The following SNX13 variants were observed in gnomAD, a reference collection of about 807,000 sequenced individuals.
SNX13 encodes the protein sorting nexin-13.
In SNX13, 45 loss-of-function variants were observed where a neutral mutation model predicts 133.6. The ratio of observed to expected loss-of-function variants is 0.34; its 90% confidence interval spans 0.27 to 0.43. The LOEUF (loss-of-function observed/expected upper bound fraction) is 0.43, where lower values mean the gene tolerates loss of function less well. SNX13 is among the 20% of genes least tolerant of loss of function. SNX13 has a pLI of 1.00. For missense variants in SNX13, 1,032 were observed against 1,145.1 expected, an observed-to-expected ratio of 0.90 and a Z score of 1.43; for synonymous variants, 414 against 373.9, an observed-to-expected ratio of 1.11 and a Z score of -1.24.
At chr7:17,826,973 A>C (rs1311952498) in intron 16 of SNX13, among the ~76,000 whole-genome samples, 1 of 152,072 alleles carries the variant, frequency 6.6e-6, no homozygotes, top group Non-Finnish European at 1.5e-5. Context: ...AGCATTCTCT[A>C]ATCAATAAGA....
At chr7:17,845,458 C>T (rs1790404354) in intron 12 of SNX13, 137 bp downstream of exon 12, 1 of 566,002 alleles carries the variant, frequency 1.8e-6, no homozygotes, top group Non-Finnish European at 3.1e-6. Context: ...CTCTGTACAA[C>T]ATCATGAATA....
In SNX13 at chr7:17,940,331, T is replaced by G. The variant is rs1451476030; in HGVS notation, c.-36A>C. On this transcript the variant is annotated 5_prime_UTR_variant, in exon 1 of 26. Coordinates refer to ENST00000428135, the MANE Select transcript of SNX13 (RefSeq NM_015132.5). The stretch of plus-strand genomic sequence containing the variant: ...CGGGGAAGTGAGGTCCTCCCTAGCC[T>G]CGCCTCATGGCAACAGCCGTAGCAG... 6.4e-7 allele frequency: 1 copy of G among 1,561,252 alleles called. No individual in the cohort carries two copies. The highest frequency in any genetic ancestry group is 1.9e-5 in the Admixed American group (1 of 52,372).
chr7:17,846,190 AG>A (rs1790500463), intron 11 of SNX13, among the ~76,000 whole-genome samples: 2 of 152,084 alleles, frequency 1.3e-5, no homozygotes, highest in Non-Finnish European at 2.9e-5. Context: ...CTCTCTAAAC[AG>A]TGAATTTCAG....
intron 9 of SNX13, among the ~76,000 whole-genome samples, chr7:17,852,287 C>T (rs1248636197): frequency 6.6e-6 from 1 of 152,018 alleles, no homozygotes; most frequent in South Asian, 2.1e-4. Flanking sequence ...GCGAGATAAT[C>T]GCTTGAGCCC....
At chr7:17,861,603 G>A (rs917160904) in intron 9 of SNX13, among the ~76,000 whole-genome samples, 13 of 152,258 alleles carry the variant, frequency 8.5e-5, no homozygotes, top group Middle Eastern at 3.4e-3. Context: ...AAATGACAGA[G>A]TATGACCTTC....
At chr7:17,810,129 C>T (rs1010296615) in intron 20 of SNX13, among the ~76,000 whole-genome samples, 6 of 152,050 alleles carry the variant, frequency 3.9e-5, no homozygotes, top group East Asian at 1.9e-4. Flanking sequence ...CAGAGCAGAA[C>T]TGAAGGAGAT....
intron 20 of SNX13, among the ~76,000 whole-genome samples, chr7:17,806,707 C>A (rs1490106252): frequency 1.3e-5 from 2 of 152,090 alleles, no homozygotes; most frequent in East Asian, 1.9e-4. Flanking sequence ...CAGCTCCCAG[C>A]GAGATCAACG....
At chr7:17,937,359 A>C (rs564254886) in intron 1 of SNX13, among the ~76,000 whole-genome samples, 1 of 151,948 alleles carries the variant, frequency 6.6e-6, no homozygotes, top group Admixed American at 6.6e-5. Flanking sequence ...AATTAGAGAT[A>C]TATTTTTGGC....
At chr7:17,915,486 A>G (rs1799451736) in intron 1 of SNX13, among the ~76,000 whole-genome samples, 1 of 152,180 alleles carries the variant, frequency 6.6e-6, no homozygotes, top group African/African-American at 2.4e-5. Context: ...ACCGACAAAC[A>G]ACCCCAGGGT....
chr7:17,891,479 G>C, intron 4 of SNX13, 67 bp downstream of exon 4: 1 of 1,133,594 alleles, frequency 8.8e-7, no homozygotes, highest in Non-Finnish European at 1.3e-6. Context: ...GTATTTCCTG[G>C]TATCTTCAAA....
At chr7:17,885,705 G>A (rs1325585603) in intron 5 of SNX13, among the ~76,000 whole-genome samples, 4 of 152,110 alleles carry the variant, frequency 2.6e-5, no homozygotes, top group South Asian at 4.2e-4. Flanking sequence ...GCGTGCACCT[G>A]TAATCCCAGC....
chr7:17,836,325 T>G (rs1789129899), intron 13 of SNX13, among the ~76,000 whole-genome samples: 1 of 151,994 alleles, frequency 6.6e-6, no homozygotes. Flanking sequence ...GAGAACAGCC[T>G]GGCCCACATG....
intron 16 of SNX13, 32 bp downstream of exon 16, chr7:17,829,978 C>T: frequency 2.1e-6 from 3 of 1,453,140 alleles, no homozygotes; most frequent in Non-Finnish European, 2.8e-6. Context: ...ATTTTCAAGT[C>T]ACTTTAATAA....
chr7:17,896,997 T>TTATTAA (rs1243343638), intron 2 of SNX13, among the ~76,000 whole-genome samples: 1 of 152,078 alleles, frequency 6.6e-6, no homozygotes, highest in Non-Finnish European at 1.5e-5. Context: ...TTTAACTTAC[T>TTATTAA]TATTAACATA....
intron 12 of SNX13, 74 bp from the exon 13 acceptor site, chr7:17,840,074 G>A: frequency 1.6e-6 from 2 of 1,250,274 alleles, no homozygotes; most frequent in Non-Finnish European, 1.1e-6. Context: ...TTTATGACAA[G>A]TAAAGAAGGA....
At chr7:17,899,740 A>C (rs1171916738) in intron 1 of SNX13, 1 of 152,022 alleles carries the variant, frequency 6.6e-6, no homozygotes, top group Admixed American at 6.5e-5. Flanking sequence ...TACTTCCTCA[A>C]AACAACTATT....
intron 1 of SNX13, among the ~76,000 whole-genome samples, chr7:17,919,617 GTGCAGAGTTCTATAACAAATACC>G (rs2128033623): frequency 6.6e-6 from 1 of 152,206 alleles, no homozygotes; most frequent in African/African-American, 2.4e-5. Flanking sequence ...TTGATCTAAT[GTGCAGAGTTCTATAACAAATACC>G]CGAGTTTTAG....
chr7:17,905,291 C>A (rs927057815), intron 1 of SNX13, among the ~76,000 whole-genome samples: 4 of 152,110 alleles, frequency 2.6e-5, no homozygotes, highest in Non-Finnish European at 4.4e-5. Flanking sequence ...CATATTGATT[C>A]TATTGTTACT....
At chr7:17,905,577 C>A (rs767185755) in intron 1 of SNX13, among the ~76,000 whole-genome samples, 1 of 152,140 alleles carries the variant, frequency 6.6e-6, no homozygotes, top group African/African-American at 2.4e-5. Flanking sequence ...CCAATTCTTT[C>A]CACCAAAATA....
Sources: allele counts gnomAD v4.1 joint callset (sites outside exome capture counted in the v4.1 genomes callset), GRCh38; gene constraint gnomAD v4.1.1; transcripts MANE v1.5; gene names NCBI Gene and HGNC (gene_info 2026-07-23, HGNC 2026-07-21).